XKRX: variants seen among roughly 807,000 people sequenced by gnomAD.
XKRX encodes XK-related protein 2.
A neutral mutation model predicts 22.4 loss-of-function variants in XKRX; 11 were observed. The observed-to-expected ratio is 0.49, with a 90% CI of 0.31 to 0.81. XKRX has a LOEUF of 0.81. XKRX is among the 40% of genes least tolerant of loss of function. The pLI is 0.05. For synonymous variants in XKRX, 114 were observed against 132.2 expected, an observed-to-expected ratio of 0.86 and a Z score of 0.94; for missense variants, 320 against 336.5, an observed-to-expected ratio of 0.95 and a Z score of 0.38.
chrX:100,891,896 A>G, the XKRX span, among the ~76,000 whole-genome samples: 1 of 111,657 alleles, frequency 9.0e-6, no homozygotes, highest in African/African-American at 3.2e-5. Context: ...AAAAAACTCA[A>G]AATGGATTAA....
At chrX:100,906,974 T>C in the XKRX span, among the ~76,000 whole-genome samples, 1 of 111,540 alleles carries the variant, frequency 9.0e-6, no homozygotes, top group African/African-American at 3.3e-5. Flanking sequence ...ACCTGGATAA[T>C]TCAAGGTAAC....
At chrX:100,927,465 C>G (rs1312271526) in intron 1 of XKRX, among the ~76,000 whole-genome samples, 1 of 111,230 alleles carries the variant, frequency 9.0e-6, no homozygotes, top group East Asian at 2.8e-4. Context: ...AGCCACCACA[C>G]CCGGCCTATA....
At chrX:100,957,485 A>G in the XKRX span, 14 of 1,192,035 alleles carry the variant, frequency 1.2e-5, no homozygotes, top group Non-Finnish European at 1.5e-5. Flanking sequence ...GGGAGGAAAT[A>G]GAGACGCATC....
chrX:100,927,056 A>G lies in XKRX; in HGVS notation c.335+914T>C, dbSNP rs766340502. Among the ~76,000 whole-genome samples, 227 of 111,559 alleles carry G rather than the reference A, an allele frequency of 2.0e-3. 1 individual carries two copies. The highest frequency in any genetic ancestry group is 3.8e-3 in the Non-Finnish European group (200 of 53,107). On this transcript the variant is annotated intron_variant, in intron 1 of 2. Coordinates refer to ENST00000372956, the MANE Select transcript of XKRX (RefSeq NM_212559.3). ...GTAAAGAAACTTTTATCCAATTTAC[A>G]AAGCATCCAAAAGGTAGAGTCAAAA...
the XKRX span, among the ~76,000 whole-genome samples, chrX:100,946,931 C>A: frequency 8.9e-6 from 1 of 111,946 alleles, no homozygotes; most frequent in Non-Finnish European, 1.9e-5. Flanking sequence ...CCTGGTACAC[C>A]ACCTGTGACA....
chrX:100,955,674 A>AAAAT, the XKRX span, among the ~76,000 whole-genome samples: 1 of 111,534 alleles, frequency 9.0e-6, no homozygotes, highest in Non-Finnish European at 1.9e-5. Context: ...CTCTGTCTCA[A>AAAAT]AAATAAATAA....
intron 1 of XKRX, among the ~76,000 whole-genome samples, chrX:100,923,939 C>T (rs187694364): frequency 3.9e-5 from 4 of 103,288 alleles, no homozygotes; most frequent in East Asian, 6.1e-4. Context: ...TGGGTTCAAG[C>T]GATTCTCCTG....
At chrX:100,942,008 C>T in the XKRX span, among the ~76,000 whole-genome samples, 3 of 110,262 alleles carry the variant, frequency 2.7e-5, no homozygotes, top group African/African-American at 3.3e-5. Flanking sequence ...CCACCGCACC[C>T]GGCTAATTTT....
At chrX:100,911,255 G>A (rs1175920360), downstream of XKRX, 23 of 1,070,703 alleles carry the variant, frequency 2.1e-5, no homozygotes, top group Non-Finnish European at 2.7e-5. Context: ...GAAAGCCCAT[G>A]TAACACATCC....
At chrX:100,947,947 G>T in the XKRX span, among the ~76,000 whole-genome samples, 3 of 107,081 alleles carry the variant, frequency 2.8e-5, no homozygotes, top group Admixed American at 1.0e-4. Context: ...CTTTTGCCCA[G>T]GCTGGAGTGC....
the XKRX span, among the ~76,000 whole-genome samples, chrX:100,949,172 C>T: frequency 1.2e-3 from 132 of 111,506 alleles, no homozygotes; most frequent in Non-Finnish European, 1.9e-3. Flanking sequence ...GAGGTATCTG[C>T]AAGGCTGAGT....
At chrX:100,955,425 C>T in the XKRX span, among the ~76,000 whole-genome samples, 1 of 112,065 alleles carries the variant, frequency 8.9e-6, no homozygotes, top group Non-Finnish European at 1.9e-5. Flanking sequence ...GTACTCCCAG[C>T]ACTTTGAGAG....
Position 100,914,554 on chromosome X carries a change from G to T in XKRX, c.1134C>A (p.Tyr378Ter), listed in dbSNP as rs770277259. The change falls in exon 3 of 3, where the codon TAC (tyrosine) becomes TAA (stop). Residue 378 changes from tyrosine to a stop codon, truncating the protein, a stop_gained. Coordinates refer to ENST00000372956, the MANE Select transcript of XKRX (RefSeq NM_212559.3). LOFTEE classifies it high-confidence loss of function. ...KFFGVKVLLN[Y>*]CHSLIALQLI... ...GCTGCAAGGCAATCAAGGAATGACA[G>T]TAATTCAGTAACACTTTCACTCCAA... 1 of 1,211,936 alleles carries T rather than the reference G, an allele frequency of 8.3e-7. No homozygotes were observed. Among genetic ancestry groups the T allele is most frequent in the South Asian group, 1.8e-5 (1 of 56,995 alleles).
the XKRX span, among the ~76,000 whole-genome samples, chrX:100,949,695 C>A: frequency 1.1e-3 from 120 of 111,454 alleles, no homozygotes; most frequent in African/African-American, 3.7e-3. Context: ...TCTCACAACA[C>A]AATACCTAAA....
intron 2 of XKRX, among the ~76,000 whole-genome samples, chrX:100,918,349 C>T (rs2085455598): frequency 9.0e-6 from 1 of 111,520 alleles, no homozygotes; most frequent in Non-Finnish European, 1.9e-5. Flanking sequence ...ATTCTCAGTC[C>T]CATCCTCAAG....
chrX:100,915,060 C>T lies in XKRX; in HGVS notation c.628G>A (p.Val210Ile). 8.3e-7 allele frequency: 1 copy of T among 1,207,829 alleles called. No homozygotes were observed. The highest frequency in any genetic ancestry group is 1.1e-6 in the Non-Finnish European group (1 of 893,797). The change falls in exon 3 of 3, where the codon GTA (valine) becomes ATA (isoleucine). Residue 210 changes from valine to isoleucine, a missense_variant. Transcript: ENST00000372956. ...GRVVLMVFSLVSVTYGATLCN... is the reference protein window; with the variant it reads ...GRVVLMVFSLISVTYGATLCN... ...AGGGTGGCCCCATAGGTGACAGATACCAGGGAAAATACCATTAGCACAACT... is the reference window on the plus strand; with the variant it reads ...AGGGTGGCCCCATAGGTGACAGATATCAGGGAAAATACCATTAGCACAACT...
chrX:100,928,274 G>A lies in XKRX; in HGVS notation c.31C>T (p.Pro11Ser). 8.3e-7 allele frequency: 1 copy of A among 1,211,041 alleles called. No individual in the cohort carries two copies. Among genetic ancestry groups the A allele is most frequent in the Non-Finnish European group, 1.1e-6 (1 of 895,319 alleles). MDRVYEIPEE[P>S]NVDPVSSLEE... Reference sequence around the variant, plus strand: ...AGAGATGAAACCGGATCCACATTTGGCTCCTCAGGAATTTCATAAACTCTG... The same window carrying A: ...AGAGATGAAACCGGATCCACATTTGACTCCTCAGGAATTTCATAAACTCTG... Residue 11 changes from proline to serine, a missense_variant, in exon 1 of 3, where the codon CCA (proline) becomes TCA (serine). Pro to Ser is a moderately conservative substitution (Grantham distance 74). Coordinates refer to ENST00000372956, the MANE Select transcript of XKRX (RefSeq NM_212559.3).
chrX:100,945,255 C>CACAA, the XKRX span, among the ~76,000 whole-genome samples: 1 of 66,424 alleles, frequency 1.5e-5, no homozygotes, highest in Admixed American at 1.9e-4. Flanking sequence ...GATACACACA[C>CACAA]ACACACACAC....
In XKRX at chrX:100,914,769, C is replaced by A; in HGVS notation, c.919G>T (p.Gly307Cys). The A allele has an allele frequency of 1.7e-6, 2 of 1,211,300 alleles. No individual in the cohort carries two copies. Among genetic ancestry groups the A allele is most frequent in the Non-Finnish European group, 2.2e-6 (2 of 895,499 alleles). ...ACTGAAATCAGGACCACCAGAGTGC[C>A]GACCCGGCTGAAGTTTTTCTCAATG... The part of the protein sequence containing the change: ...NNIEKNFSRV[G>C]TLVVLISVTI... The change falls in exon 3 of 3, where the codon GGC (glycine) becomes TGC (cysteine). Residue 307 changes from glycine to cysteine, a missense_variant. Gly to Cys is a radical substitution (Grantham distance 159, BLOSUM62 -3). Coordinates refer to ENST00000372956, the MANE Select transcript of XKRX (RefSeq NM_212559.3).
Sources: allele counts gnomAD v4.1 joint callset (sites outside exome capture counted in the v4.1 genomes callset), GRCh38; gene constraint gnomAD v4.1.1; transcripts MANE v1.5; gene names NCBI Gene and HGNC (gene_info 2026-07-23, HGNC 2026-07-21).